Variants in PDE1C observed in about 807,000 individuals in gnomAD.
The protein encoded by PDE1C is phosphodiesterase 1C.
In PDE1C, 62 loss-of-function variants were observed where a neutral mutation model predicts 93.1. That is an observed-to-expected ratio of 0.67 (90% CI 0.54 to 0.82). The LOEUF (loss-of-function observed/expected upper bound fraction) is 0.82. PDE1C is among the 40% of genes least tolerant of loss of function. PDE1C has a pLI of 0.00. For synonymous variants in PDE1C, 325 were observed against 310.1 expected (o/e 1.05, Z -0.50); for missense variants, 742 against 884.6 (o/e 0.84, Z 2.04).
At chr7:31,722,048 C>T in the PDE1C span, among the ~76,000 whole-genome samples, 1 of 152,174 alleles carries the variant, frequency 6.6e-6, no homozygotes, top group Non-Finnish European at 1.5e-5. Context: ...CAGAAGGCAT[C>T]GTGTCTCTCT....
At chr7:31,920,766 C>T (rs1274408825) in intron 2 of PDE1C, among the ~76,000 whole-genome samples, 4 of 152,066 alleles carry the variant, frequency 2.6e-5, no homozygotes, top group African/African-American at 9.7e-5. Flanking sequence ...TTATTGAGCC[C>T]AACGTGAGGA....
chr7:31,937,017 G>A lies in PDE1C; in HGVS notation c.129-56157C>T, dbSNP rs979461444. On this transcript the variant is annotated intron_variant, in intron 2 of 17. Transcript: ENST00000396191. ...GGGCAGGTTGGGAGGGGTGCTTCCA[G>A]GTCATAGGTAAATTCAAAGATTTAT... 1.6e-4 allele frequency among the ~76,000 whole-genome samples: 24 copies of A among 152,144 alleles called. 1 individual carries two copies. Among genetic ancestry groups the A allele is most frequent in the African/African-American group, 2.4e-5 (1 of 41,434 alleles).
Position 31,752,081 on chromosome 7 carries a change from T to A in PDE1C, c.*1303A>T, listed in dbSNP as rs1794168255. ...TGCAGAGTGTGTATATGAATCCTAG[T>A]TTCTAGTTAAGCAAATGGAGGCATC... On this transcript the variant is annotated 3_prime_UTR_variant, in exon 18 of 18. Coordinates refer to ENST00000396191, the MANE Select transcript of PDE1C (RefSeq NM_001191057.4). 1 of 152,178 alleles carries A rather than the reference T, an allele frequency of 6.6e-6. No individual in the cohort carries two copies. Among genetic ancestry groups the A allele is most frequent in the Non-Finnish European group, 1.5e-5 (1 of 68,040 alleles). The allele number at this position is 152,178 out of a possible 1,614,324, so 9.4% of individuals were successfully genotyped here. A position where few individuals can be genotyped will look rare whatever the true frequency, so the allele number is the denominator to read the frequency against.
chr7:31,885,907 T>C (rs913061841), intron 2 of PDE1C, among the ~76,000 whole-genome samples: 1 of 152,222 alleles, frequency 6.6e-6, no homozygotes, highest in East Asian at 1.9e-4. Context: ...TAGAATTTCA[T>C]TCTTTTGCAC....
At chr7:31,792,075 A>T (rs1484756425) in intron 16 of PDE1C, among the ~76,000 whole-genome samples, 4 of 152,088 alleles carry the variant, frequency 2.6e-5, no homozygotes, top group African/African-American at 9.7e-5. Flanking sequence ...GTAAAAGAAC[A>T]AGAAGCATAT....
chr7:32,284,116 C>T (rs943099741), intron 1 of PDE1C, among the ~76,000 whole-genome samples: 3 of 152,178 alleles, frequency 2.0e-5, no homozygotes, highest in Non-Finnish European at 4.4e-5. Flanking sequence ...TAGAGAAAAT[C>T]TAATACACCC....
At chr7:32,308,459 C>T (rs1813075934) in intron 1 of PDE1C, among the ~76,000 whole-genome samples, 1 of 152,254 alleles carries the variant, frequency 6.6e-6, no homozygotes, top group African/African-American at 2.4e-5. Flanking sequence ...GACCCCTGAG[C>T]AGCCTAACTG....
chr7:32,349,014 C>G (rs567681155), intron 1 of PDE1C, among the ~76,000 whole-genome samples: 4 of 152,206 alleles, frequency 2.6e-5, no homozygotes, highest in African/African-American at 4.8e-5. Context: ...CTAACAGAAC[C>G]AACAGAGGGT....
At chr7:32,098,287 G>A (rs1199876362) in intron 3 of PDE1C, among the ~76,000 whole-genome samples, 2 of 149,902 alleles carry the variant, frequency 1.3e-5, no homozygotes, top group African/African-American at 4.9e-5. Context: ...CCCTGAAGCG[G>A]GTAATCATTT....
intron 2 of PDE1C, among the ~76,000 whole-genome samples, chr7:32,175,663 G>A (rs903832694): frequency 1.3e-5 from 2 of 152,182 alleles, no homozygotes; most frequent in African/African-American, 4.8e-5. Context: ...TTGGAAAACT[G>A]AATTCGTTTT....
chr7:31,747,403 G>A (rs368379892), downstream of PDE1C, among the ~76,000 whole-genome samples: 139 of 152,208 alleles, frequency 9.1e-4, no homozygotes, highest in African/African-American at 3.2e-3. Flanking sequence ...AAAGTGCCAG[G>A]AACCTGGTGG....
chr7:32,349,128 T>G (rs1783908991), intron 1 of PDE1C, among the ~76,000 whole-genome samples: 1 of 152,224 alleles, frequency 6.6e-6, no homozygotes, highest in South Asian at 2.1e-4. Flanking sequence ...TCCATAGAAG[T>G]AGCCCTCGCA....
At chr7:31,836,151 CT>C (rs1416435335) in intron 11 of PDE1C, among the ~76,000 whole-genome samples, 1 of 152,124 alleles carries the variant, frequency 6.6e-6, no homozygotes, top group East Asian at 1.9e-4. Flanking sequence ...TGTCTTCAAT[CT>C]CAGGCCCGCA....
chr7:31,784,120 A>T (rs569341360), intron 16 of PDE1C: 1 of 152,314 alleles, frequency 6.6e-6, no homozygotes, highest in South Asian at 2.1e-4. Flanking sequence ...TCACAAATCC[A>T]GCTGAACAGC....
chr7:31,923,159 TG>T (rs1378051632), intron 2 of PDE1C, among the ~76,000 whole-genome samples: 5 of 152,182 alleles, frequency 3.3e-5, no homozygotes, highest in Admixed American at 2.0e-4. Context: ...AGGTCTTCAT[TG>T]AGGGCTCCAG....
chr7:31,953,220 C>G (rs1411134963), intron 2 of PDE1C, among the ~76,000 whole-genome samples: 2 of 152,120 alleles, frequency 1.3e-5, no homozygotes, highest in Admixed American at 1.3e-4. Flanking sequence ...TTTGGGCCTA[C>G]AAGGACACAG....
chr7:32,400,350 C>T (rs1320332692), intron 1 of PDE1C, among the ~76,000 whole-genome samples: 1 of 152,180 alleles, frequency 6.6e-6, no homozygotes, highest in East Asian at 1.9e-4. Flanking sequence ...AATCAGTCTT[C>T]TTCTCTAAAT....
At chr7:31,732,968 G>A in the PDE1C span, among the ~76,000 whole-genome samples, 3 of 152,190 alleles carry the variant, frequency 2.0e-5, no homozygotes, top group Non-Finnish European at 4.4e-5. Context: ...ATGTCAGGCT[G>A]TGAGCTTAGA....
the PDE1C span, among the ~76,000 whole-genome samples, chr7:31,681,469 A>C: frequency 6.6e-6 from 1 of 152,006 alleles, no homozygotes; most frequent in Non-Finnish European, 1.5e-5. Flanking sequence ...TTTATTCAAA[A>C]CCATCTCTCC....
Sources: allele counts gnomAD v4.1 joint callset (sites outside exome capture counted in the v4.1 genomes callset), GRCh38; gene constraint gnomAD v4.1.1; transcripts MANE v1.5; gene names NCBI Gene and HGNC (gene_info 2026-07-23, HGNC 2026-07-21).